RIMS2: variants seen among roughly 807,000 people sequenced by gnomAD.
The protein encoded by RIMS2 is regulating synaptic membrane exocytosis protein 2.
Under a neutral mutation model 174.4 loss-of-function variants are expected in RIMS2, and 59 were observed. The observed-to-expected ratio is 0.34, with a 90% CI of 0.27 to 0.42. RIMS2 has a LOEUF of 0.42. Ranked by LOEUF, RIMS2 falls within the 10% of genes least tolerant of loss-of-function variation. The pLI is 1.00. For missense variants in RIMS2, 1,620 were observed against 1,666.3 expected (o/e 0.97, Z 0.48); for synonymous variants, 606 against 572.5 (o/e 1.06, Z -0.84).
At chr8:104,255,567 A>AC (rs1197821992), downstream of RIMS2, 3 of 152,162 alleles carry the variant, frequency 2.0e-5, no homozygotes, top group African/African-American at 7.2e-5. Flanking sequence ...TTTCCCAGGG[A>AC]CCCCAGATGC....
At chr8:103,729,915 A>G (rs1377696490) in intron 2 of RIMS2, among the ~76,000 whole-genome samples, 1 of 152,190 alleles carries the variant, frequency 6.6e-6, no homozygotes, top group Non-Finnish European at 1.5e-5. Context: ...GATACTTAAT[A>G]TAATGTTAGT....
chr8:103,735,959 G>C (rs1169040114), intron 2 of RIMS2, among the ~76,000 whole-genome samples: 1 of 152,096 alleles, frequency 6.6e-6, no homozygotes, highest in Non-Finnish European at 1.5e-5. Context: ...AGCCTATGTA[G>C]TACTTAGGCT....
intron 1 of RIMS2, among the ~76,000 whole-genome samples, chr8:103,629,994 A>G (rs936099855): frequency 6.6e-6 from 1 of 152,076 alleles, no homozygotes; most frequent in African/African-American, 2.4e-5. Flanking sequence ...AAAACTAAAA[A>G]AAAAATTTTA....
intron 19 of RIMS2, among the ~76,000 whole-genome samples, chr8:104,057,063 C>CTTTTTTTTTTTTTTTTTT (rs749665730): frequency 7.4e-6 from 1 of 135,416 alleles, no homozygotes; most frequent in Non-Finnish European, 1.6e-5. Context: ...TTTTCTTTTT[C>CTTTTTTTTTTTTTTTTTT]TTTTTTTTTT....
intron 19 of RIMS2, among the ~76,000 whole-genome samples, chr8:104,125,639 A>T (rs965276604): frequency 2.6e-5 from 4 of 152,150 alleles, no homozygotes; most frequent in African/African-American, 9.7e-5. Flanking sequence ...CTAGAGAATA[A>T]TTTTTTTAAA....
chr8:103,881,417 G>T (rs932634741), intron 3 of RIMS2, among the ~76,000 whole-genome samples: 1 of 151,508 alleles, frequency 6.6e-6, no homozygotes, highest in African/African-American at 2.4e-5. Context: ...GGTAAAGCCT[G>T]TAAATATTAA....
At chr8:103,599,444 A>AT (rs1009586438) in intron 1 of RIMS2, among the ~76,000 whole-genome samples, 12 of 147,354 alleles carry the variant, frequency 8.1e-5, no homozygotes, top group African/African-American at 2.0e-4. Flanking sequence ...GTATATATAT[A>AT]TTTTTTTTCT....
intron 1 of RIMS2, among the ~76,000 whole-genome samples, chr8:103,534,246 G>C (rs1447844580): frequency 6.6e-6 from 1 of 152,168 alleles, no homozygotes; most frequent in Non-Finnish European, 1.5e-5. Context: ...TACTTTATAT[G>C]CTTCCTATGC....
At chr8:104,233,827 A>G (rs1273011295) in intron 19 of RIMS2, among the ~76,000 whole-genome samples, 2 of 152,214 alleles carry the variant, frequency 1.3e-5, no homozygotes, top group African/African-American at 2.4e-5. Context: ...CATTAGACAC[A>G]GGCTTTCAGC....
At chr8:104,117,387 T>G (rs1196840911) in intron 19 of RIMS2, among the ~76,000 whole-genome samples, 1 of 151,982 alleles carries the variant, frequency 6.6e-6, no homozygotes, top group African/African-American at 2.4e-5. Context: ...TGAAATAAAT[T>G]TCCTTTTTTT....
intron 3 of RIMS2, among the ~76,000 whole-genome samples, chr8:103,885,080 G>A (rs1369605209): frequency 6.6e-6 from 1 of 151,872 alleles, no homozygotes; most frequent in Non-Finnish European, 1.5e-5. Context: ...GCATATTCCA[G>A]ATATAGTGTT....
chr8:104,136,978 TAAC>T (rs1374004217), intron 19 of RIMS2, among the ~76,000 whole-genome samples: 1 of 152,202 alleles, frequency 6.6e-6, no homozygotes, highest in Non-Finnish European at 1.5e-5. Flanking sequence ...ACTCATATAT[TAAC>T]AATAAATAAT....
chr8:103,773,400 T>C (rs1459750137), intron 3 of RIMS2, among the ~76,000 whole-genome samples: 1 of 152,212 alleles, frequency 6.6e-6, no homozygotes, highest in African/African-American at 2.4e-5. Flanking sequence ...GTACAAGAAA[T>C]GTCCTATGTG....
rs138567529 is a variant in RIMS2, at chr8:104,234,795, T to C, written c.3335-10121T>C. On this transcript the variant is annotated intron_variant, in intron 19 of 23. Transcript: ENST00000504942. ...TAATGGGAAATGGGTATGCCAGTCC[T>C]CTGGCTTGATCCCTCTGTTTTGCAG... Among the ~76,000 whole-genome samples the C allele has an allele frequency of 7.2e-3, 1,092 of 152,304 alleles. 8 individuals carry two copies. The highest frequency in any genetic ancestry group is 0.024 in the African/African-American group (995 of 41,566).
At chr8:103,691,905 C>T (rs1031231818) in intron 1 of RIMS2, among the ~76,000 whole-genome samples, 3 of 152,132 alleles carry the variant, frequency 2.0e-5, no homozygotes, top group Admixed American at 6.5e-5. Flanking sequence ...TGTATCTTCA[C>T]AAGGGGCCAC....
chr8:103,941,594 CACAA>C (rs761529620), intron 13 of RIMS2, among the ~76,000 whole-genome samples: 5 of 152,124 alleles, frequency 3.3e-5, no homozygotes, highest in Admixed American at 1.3e-4. Flanking sequence ...AAACACAAAG[CACAA>C]ACACTGTCAC....
chr8:103,977,232 A>G (rs2093523506), intron 16 of RIMS2: 2 of 152,238 alleles, frequency 1.3e-5, no homozygotes, highest in Non-Finnish European at 2.9e-5. Flanking sequence ...ACAATATCTG[A>G]CATATTAAGT....
chr8:104,075,220 G>C (rs2097267363), intron 19 of RIMS2, among the ~76,000 whole-genome samples: 1 of 152,170 alleles, frequency 6.6e-6, no homozygotes, highest in Non-Finnish European at 1.5e-5. Context: ...ATGTAAAACA[G>C]ACGTCATTAT....
intron 2 of RIMS2, among the ~76,000 whole-genome samples, chr8:103,723,791 C>A (rs2097488080): frequency 6.6e-6 from 1 of 151,820 alleles, no homozygotes; most frequent in Middle Eastern, 3.2e-3. Flanking sequence ...GGGTCTAGCC[C>A]ATAGCCTGAG....
Sources: gnomAD v4.1 joint callset for allele counts (sites outside exome capture counted in the v4.1 genomes callset) on GRCh38, gnomAD v4.1.1 for gene constraint, MANE v1.5 for transcripts, NCBI Gene and HGNC (gene_info 2026-07-23, HGNC 2026-07-21) for gene names.